CMSS1: variants seen among roughly 807,000 people sequenced by gnomAD.
The protein encoded by CMSS1 is cms1 ribosomal small subunit homolog.
A neutral mutation model predicts 43.5 loss-of-function variants in CMSS1; 33 were observed. The observed-to-expected ratio is 0.76, with a 90% confidence interval of 0.57 to 1.01. The LOEUF (loss-of-function observed/expected upper bound fraction) is 1.01. Among genes scored for constraint, CMSS1 ranks in the 50% least tolerant of loss-of-function variants. The pLI is 0.00. For synonymous variants in CMSS1, 115 were observed against 117.2 expected (o/e 0.98, Z 0.12); for missense variants, 313 against 326.4 (o/e 0.96, Z 0.32).
At chr3:99,957,095 A>G (rs757501885) in intron 1 of CMSS1, among the ~76,000 whole-genome samples, 7 of 152,220 alleles carry the variant, frequency 4.6e-5, no homozygotes, top group Non-Finnish European at 1.0e-4. Context: ...TAAGAATAAA[A>G]ATACTTGTGT....
chr3:99,977,372 G>A (rs916311424), intron 1 of CMSS1, among the ~76,000 whole-genome samples: 1 of 152,112 alleles, frequency 6.6e-6, no homozygotes, highest in African/African-American at 2.4e-5. Flanking sequence ...GGAGAATAGA[G>A]AGATCTGAAG....
chr3:100,134,019 A>G (rs1032746367), intron 1 of CMSS1, among the ~76,000 whole-genome samples: 3 of 152,168 alleles, frequency 2.0e-5, no homozygotes, highest in Non-Finnish European at 4.4e-5. Flanking sequence ...CTCTTAACAG[A>G]AGTACTGTGT....
At chr3:99,846,234 T>C (rs959298812) in intron 1 of CMSS1, among the ~76,000 whole-genome samples, 1 of 152,230 alleles carries the variant, frequency 6.6e-6, no homozygotes, top group Non-Finnish European at 1.5e-5. Flanking sequence ...TCTGCCTCTT[T>C]ATCTGTTTCC....
chr3:100,069,780 G>A (rs1187040408), intron 1 of CMSS1, among the ~76,000 whole-genome samples: 1 of 152,144 alleles, frequency 6.6e-6, no homozygotes, highest in African/African-American at 2.4e-5. Flanking sequence ...AGAGGAGGTG[G>A]CAGAATGGAG....
At position 100,181,144 on chromosome 3, in the gene CMSS1, A is replaced by G. The variant is rs2067182121; in HGVS notation, c.*2756A>G. On this transcript the variant is annotated 3_prime_UTR_variant, in exon 10 of 10. Transcript: ENST00000421999. ...TCACCTCCCACCAGATCCCTCCCCC[A>G]ACACTGGGAATTACAATTCGACATG... 2 of 152,226 alleles carry G rather than the reference A, an allele frequency of 1.3e-5. No individual in the cohort carries two copies. The allele number at this position is 152,226 out of a possible 1,614,324, so 9.4% of individuals were successfully genotyped here.
At chr3:99,848,185 G>T in intron 1 of CMSS1, 2 of 1,541,152 alleles carry the variant, frequency 1.3e-6, no homozygotes, top group East Asian at 4.5e-5. Flanking sequence ...TACGAGTTCA[G>T]TCAGTCTTGG....
chr3:100,028,176 T>TA (rs1183967490), intron 1 of CMSS1, among the ~76,000 whole-genome samples: 1 of 152,210 alleles, frequency 6.6e-6, no homozygotes, highest in African/African-American at 2.4e-5. Context: ...AGTTAATTCT[T>TA]ACATCATTCC....
intron 1 of CMSS1, among the ~76,000 whole-genome samples, chr3:99,872,501 G>C (rs113068101): frequency 6.6e-6 from 1 of 152,028 alleles, no homozygotes; most frequent in South Asian, 2.1e-4. Context: ...GTTGAGGTAT[G>C]TCTGCATCCT....
chr3:99,969,718 C>T (rs1243836708), intron 1 of CMSS1, among the ~76,000 whole-genome samples: 1 of 152,048 alleles, frequency 6.6e-6, no homozygotes, highest in East Asian at 1.9e-4. Flanking sequence ...AGCAGCCCCA[C>T]TAGATAATTA....
chr3:99,837,582 T>C (rs1488517418), intron 1 of CMSS1, among the ~76,000 whole-genome samples: 2 of 152,216 alleles, frequency 1.3e-5, no homozygotes, highest in African/African-American at 4.8e-5. Context: ...TTGACAACTT[T>C]CCTTTGCAGT....
At chr3:99,944,292 A>G (rs1413291059) in intron 1 of CMSS1, among the ~76,000 whole-genome samples, 3 of 152,322 alleles carry the variant, frequency 2.0e-5, no homozygotes, top group East Asian at 1.9e-4. Flanking sequence ...GAGAGGTGAT[A>G]GGGAACTATG....
At chr3:100,124,876 A>G (rs1360453189) in intron 1 of CMSS1, among the ~76,000 whole-genome samples, 1 of 142,828 alleles carries the variant, frequency 7.0e-6, no homozygotes, top group Non-Finnish European at 1.5e-5. Context: ...ATGCGTTCAC[A>G]TGTCAGGTAC....
chr3:100,056,636 G>A (rs768140167), intron 1 of CMSS1, among the ~76,000 whole-genome samples: 4 of 151,896 alleles, frequency 2.6e-5, no homozygotes, highest in Admixed American at 2.0e-4. Flanking sequence ...TTTCTAGGCA[G>A]CTGGAAACAA....
chr3:99,906,170 C>T lies in CMSS1; in HGVS notation c.64+88127C>T, dbSNP rs565170016. On this transcript the variant is annotated intron_variant, in intron 1 of 9. Coordinates refer to ENST00000421999, the MANE Select transcript of CMSS1 (RefSeq NM_032359.4). Reference sequence around the variant, plus strand: ...GATCGCACCACTGTACTCCATCCACCCTGGGTGACAGGGCCAAGACCTTGT... The same window carrying T: ...GATCGCACCACTGTACTCCATCCACTCTGGGTGACAGGGCCAAGACCTTGT... 9.2e-5 allele frequency among the ~76,000 whole-genome samples: 14 copies of T among 152,176 alleles called. No individual in the cohort carries two copies. The South Asian group carries it at 2.5e-3, about 27-fold the overall frequency.
chr3:99,847,770 C>G (rs987846861), intron 1 of CMSS1, among the ~76,000 whole-genome samples: 1 of 152,146 alleles, frequency 6.6e-6, no homozygotes, highest in Non-Finnish European at 1.5e-5. Flanking sequence ...CCACTTTTCT[C>G]TCCTCTAATA....
rs77091434 is a variant in CMSS1, at chr3:100,126,550, G to T, written c.65-20423G>T. Among the ~76,000 whole-genome samples, 7 of 152,200 alleles carry T rather than the reference G, an allele frequency of 4.6e-5. No individual in the cohort carries two copies. In the East Asian group the frequency reaches 1.4e-3, roughly 29 times the overall value. On this transcript the variant is annotated intron_variant, in intron 1 of 9. Coordinates refer to ENST00000421999, the MANE Select transcript of CMSS1 (RefSeq NM_032359.4). ...CATTATATCTTTATCATAAGTCTTG[G>T]ATTAATTTCAGGTCCAATTCTTATT...
chr3:100,042,752 A>G (rs1559737005), intron 1 of CMSS1, among the ~76,000 whole-genome samples: 1 of 152,090 alleles, frequency 6.6e-6, no homozygotes, highest in African/African-American at 2.4e-5. Context: ...TGCTATAACC[A>G]TTTCTTCCAC....
intron 1 of CMSS1, among the ~76,000 whole-genome samples, chr3:99,893,690 A>G (rs1706163639): frequency 6.6e-6 from 1 of 152,200 alleles, no homozygotes; most frequent in Non-Finnish European, 1.5e-5. Flanking sequence ...GTAATCTTCA[A>G]TTGCTTTAAT....
chr3:99,978,821 G>A (rs1203184790), intron 1 of CMSS1, among the ~76,000 whole-genome samples: 1 of 152,046 alleles, frequency 6.6e-6, no homozygotes, highest in East Asian at 1.9e-4. Flanking sequence ...GGAGGCGGAG[G>A]CTGCAGTGAG....
Sources: allele counts gnomAD v4.1 joint callset (sites outside exome capture counted in the v4.1 genomes callset), GRCh38; gene constraint gnomAD v4.1.1; transcripts MANE v1.5; gene names NCBI Gene and HGNC (gene_info 2026-07-23, HGNC 2026-07-21).